The following KIF6 variants were observed in gnomAD, a reference collection of about 807,000 sequenced individuals.
KIF6 encodes kinesin-like protein KIF6.
KIF6 carries 106 observed loss-of-function variants against 112.7 expected under a neutral mutation model. That is an observed-to-expected ratio of 0.94 (90% CI 0.80 to 1.11). KIF6 has a LOEUF of 1.11. Among genes scored for constraint, KIF6 ranks in the 50% least tolerant of loss-of-function variants. KIF6 has a pLI of 0.00. For missense variants in KIF6, 929 were observed against 964.0 expected, an observed-to-expected ratio of 0.96 and a Z score of 0.48; for synonymous variants, 339 against 339.9, an observed-to-expected ratio of 1.00 and a Z score of 0.03.
rs1746826868 is a variant in KIF6, at chr6:39,332,658, T to G, written c.*3874A>C. The G allele has an allele frequency of 6.6e-6, 1 of 152,264 alleles. No homozygotes were observed. Among genetic ancestry groups the G allele is most frequent in the Non-Finnish European group, 1.5e-5 (1 of 68,056 alleles). The allele number at this position is 152,264 out of a possible 1,614,324, so 9.4% of individuals were successfully genotyped here. ...TGTTATCTCAGGAAATTATTCCACCTGCTTCCTCCTGGTGGTTCTTTCCCC... is the reference window on the plus strand; with the variant it reads ...TGTTATCTCAGGAAATTATTCCACCGGCTTCCTCCTGGTGGTTCTTTCCCC... On this transcript the variant is annotated 3_prime_UTR_variant, in exon 23 of 23. Coordinates refer to ENST00000287152, the MANE Select transcript of KIF6 (RefSeq NM_145027.6).
chr6:39,572,506 A>G (rs1780698216), intron 10 of KIF6, among the ~76,000 whole-genome samples: 1 of 152,064 alleles, frequency 6.6e-6, no homozygotes, highest in African/African-American at 2.4e-5. Flanking sequence ...AAGGATCCAG[A>G]TGTTTAGAGG....
chr6:39,482,679 A>G (rs1774870988), intron 13 of KIF6, among the ~76,000 whole-genome samples: 1 of 152,224 alleles, frequency 6.6e-6, no homozygotes, highest in Non-Finnish European at 1.5e-5. Context: ...ATTTGATGTT[A>G]GCAATGGCCA....
chr6:39,627,286 C>A (rs749910611), intron 5 of KIF6, among the ~76,000 whole-genome samples: 4 of 152,164 alleles, frequency 2.6e-5, no homozygotes, highest in African/African-American at 4.8e-5. Flanking sequence ...TTTGCCTGAT[C>A]TCTTGCATTG....
At chr6:39,403,870 T>C (rs113332130) in intron 15 of KIF6, among the ~76,000 whole-genome samples, 47 of 152,230 alleles carry the variant, frequency 3.1e-4, no homozygotes, top group African/African-American at 1.1e-3. Context: ...TATCTCATCA[T>C]TGTTTAGATT....
intron 3 of KIF6, among the ~76,000 whole-genome samples, chr6:39,657,042 C>A (rs1334476588): frequency 6.6e-6 from 1 of 151,854 alleles, no homozygotes; most frequent in Non-Finnish European, 1.5e-5. Context: ...ACCAGCCTGA[C>A]CAACATGGAG....
chr6:39,686,553 G>A (rs1787880307), intron 3 of KIF6, among the ~76,000 whole-genome samples: 1 of 152,032 alleles, frequency 6.6e-6, no homozygotes, highest in Non-Finnish European at 1.5e-5. Flanking sequence ...AGATTTTCTG[G>A]CCAAATTCCC....
At chr6:39,386,268 G>A (rs1250884223) in intron 15 of KIF6, among the ~76,000 whole-genome samples, 1 of 152,136 alleles carries the variant, frequency 6.6e-6, no homozygotes, top group African/African-American at 2.4e-5. Flanking sequence ...GCTGGTATTT[G>A]TTCTGGGAGT....
chr6:39,343,447 CAG>C lies in KIF6; in HGVS notation c.2428+260_2428+261del, dbSNP rs1392276226. 7.0e-7 allele frequency: 1 copy of C among 1,436,662 alleles called. No individual in the cohort carries two copies. The allele number at this position is 1,436,662 out of a possible 1,614,324, so 89.0% of individuals were successfully genotyped here. The stretch of plus-strand genomic sequence containing the variant: ...AAAGGAGCTGAAGATCTGGAAGAGA[CAG>C]AGAGCAAGCTCTGCCAAGAGGGACA... On this transcript the variant is annotated intron_variant, in intron 22 of 22. Transcript: ENST00000287152. This position sits in a 1 kb window ranked among gnomAD's most constrained non-coding sequence, Gnocchi z 4.1.
intron 13 of KIF6, among the ~76,000 whole-genome samples, chr6:39,518,921 G>A (rs1777218802): frequency 6.6e-6 from 1 of 152,194 alleles, no homozygotes; most frequent in Non-Finnish European, 1.5e-5. Flanking sequence ...CGAAAACTCA[G>A]AGTAGCCTTG....
At chr6:39,544,917 T>G (rs113655143) in intron 11 of KIF6, among the ~76,000 whole-genome samples, 241 of 152,238 alleles carry the variant, frequency 1.6e-3, no homozygotes, top group African/African-American at 5.6e-3. Context: ...TCTCCCCATC[T>G]TATCTCTCCT....
rs932312735 is a variant in KIF6, at chr6:39,574,481, T to G, written c.1181+3575A>C. On this transcript the variant is annotated intron_variant, in intron 10 of 22. Transcript: ENST00000287152. ...ATACATTTAAAGTACTTTTTGTTTGTTTCCTTAGCACTAGATGTTCTTGTT... is the reference window on the plus strand; with the variant it reads ...ATACATTTAAAGTACTTTTTGTTTGGTTCCTTAGCACTAGATGTTCTTGTT... 2.2e-4 allele frequency among the ~76,000 whole-genome samples: 33 copies of G among 152,332 alleles called. 1 individual carries two copies. Among genetic ancestry groups the G allele is most frequent in the African/African-American group, 7.5e-4 (31 of 41,596 alleles).
rs1285258612 is a variant in KIF6, at chr6:39,507,633, CTTTCCCCTTCCTT to C, written c.1645+32357_1645+32369del. The stretch of plus-strand genomic sequence containing the variant: ...ATCTCCTTTCCTTTCCTTTCCTTTC[CTTTCCCCTTCCTT>C]CCTTCCTTCCTTCCTTCCTTCCTTC... On this transcript the variant is annotated intron_variant, in intron 13 of 22. Transcript: ENST00000287152. 7.3e-3 allele frequency among the ~76,000 whole-genome samples: 348 copies of C among 47,978 alleles called. 3 individuals carry two copies. Among genetic ancestry groups the C allele is most frequent in the African/African-American group, 0.023 (269 of 11,670 alleles). The allele number at this position is 47,978 out of a possible 152,430, so 31.5% of individuals were successfully genotyped here.
chr6:39,454,939 G>A (rs1028962889), intron 13 of KIF6, among the ~76,000 whole-genome samples: 1 of 152,080 alleles, frequency 6.6e-6, no homozygotes, highest in Non-Finnish European at 1.5e-5. Flanking sequence ...AGCGAGGCTG[G>A]GGGAGGGGCG....
intron 3 of KIF6, among the ~76,000 whole-genome samples, chr6:39,648,225 G>T (rs867039626): frequency 0.016 from 1,193 of 73,064 alleles, 32 homozygotes; most frequent in African/African-American, 0.059. Context: ...GGGGCGGGCG[G>T]GGGGGGGTGC....
intron 10 of KIF6, among the ~76,000 whole-genome samples, chr6:39,562,649 T>G (rs777090310): frequency 1.3e-5 from 2 of 152,234 alleles, no homozygotes; most frequent in Non-Finnish European, 2.9e-5. Context: ...ATTCTGACTA[T>G]GCATCTAGTT....
chr6:39,478,491 A>G (rs1774582734), intron 13 of KIF6, among the ~76,000 whole-genome samples: 1 of 152,224 alleles, frequency 6.6e-6, no homozygotes, highest in South Asian at 2.1e-4. Context: ...TTGTGCTGCT[A>G]TAAACATGAG....
At chr6:39,604,378 C>G (rs545209716) in intron 6 of KIF6, among the ~76,000 whole-genome samples, 1 of 152,262 alleles carries the variant, frequency 6.6e-6, no homozygotes, top group Admixed American at 6.6e-5. Context: ...AAAGTGAGAC[C>G]TGACCAAACC....
At chr6:39,534,736 G>C (rs1012393903) in intron 13 of KIF6, among the ~76,000 whole-genome samples, 1 of 152,104 alleles carries the variant, frequency 6.6e-6, no homozygotes, top group Admixed American at 6.6e-5. Context: ...TCCTCAAGAA[G>C]AGCAACTCCA....
chr6:39,696,539 T>C (rs932120223), intron 3 of KIF6, among the ~76,000 whole-genome samples: 4 of 152,098 alleles, frequency 2.6e-5, no homozygotes, highest in African/African-American at 9.7e-5. Flanking sequence ...GTATGTGAAA[T>C]AGTAAGTGGT....
Sources: gnomAD v4.1 joint callset for allele counts (sites outside exome capture counted in the v4.1 genomes callset) on GRCh38, gnomAD v4.1.1 for gene constraint, Gnocchi (gnomAD v3.1) non-coding constraint, MANE v1.5 for transcripts, NCBI Gene and HGNC (gene_info 2026-07-23, HGNC 2026-07-21) for gene names.